Variants in DNMT3B observed in about 807,000 individuals in gnomAD.
DNMT3B encodes the protein DNA methyltransferase 3 beta.
DNMT3B carries 37 observed loss-of-function variants against 120.2 expected under a neutral mutation model. That is an observed-to-expected ratio of 0.31 (90% CI 0.24 to 0.40). The LOEUF is 0.40. Ranked by LOEUF, DNMT3B falls within the 10% of genes least tolerant of loss-of-function variation. The pLI, the probability that DNMT3B is intolerant of heterozygous loss-of-function variation, is 1.00. For missense variants in DNMT3B, 878 were observed against 1,137.3 expected, an observed-to-expected ratio of 0.77 and a Z score of 3.28; for synonymous variants, 412 against 442.8, an observed-to-expected ratio of 0.93 and a Z score of 0.87.
Position 32,784,792 on chromosome 20 carries a change from A to C in DNMT3B, c.239A>C (p.Asp80Ala). Residue 80 changes from aspartate (D) to alanine (A), a missense_variant, in exon 4 of 23, where the codon GAT becomes GCT. Around this residue, in one of 4 missense-constraint regions of DNMT3B, gnomAD observed 287 missense variants for 306.2 expected, o/e 0.94. Transcript: ENST00000328111. ...GGCGATGGCGACGGGGAAGATGGGG[A>C]TGGCTCTGACACCCCAGTCATGCCA... ...LTGDGDGEDG[D>A]GSDTPVMPKL... is the part of the protein sequence containing the mutation. 1.2e-6 allele frequency: 2 copies of C among 1,614,062 alleles called. No homozygotes were observed. Among genetic ancestry groups the C allele is most frequent in the Non-Finnish European group, 1.7e-6 (2 of 1,180,016 alleles).
chr20:32,792,850 C>A, intron 9 of DNMT3B, 80 bp downstream of exon 9: 1 of 1,580,766 alleles, frequency 6.3e-7, no homozygotes, highest in Non-Finnish European at 8.6e-7. Flanking sequence ...ACCCCTGCTG[C>A]CCCACACCCC....
chr20:32,793,626 TG>T, intron 10 of DNMT3B, 31 bp downstream of exon 10: 2 of 1,608,852 alleles, frequency 1.2e-6, no homozygotes, highest in Non-Finnish European at 1.7e-6. Flanking sequence ...GACTGTGCCC[TG>T]TTTTCTATGC....
At position 32,787,237 on chromosome 20, in the gene DNMT3B, GACGGCGGGCA is replaced by G; in HGVS notation, c.443_452del (p.Arg148GlnfsTer41). On this transcript the variant is annotated frameshift_variant, in exon 6 of 23. Transcript: ENST00000328111. LOFTEE classifies it high-confidence loss of function. ...GTGTCCTTCTGTCCACAGTCCCTGA[GACGGCGGGCA>G]ACAGCATCGGCAGGAACGCCATGGC... 1 of 1,614,262 alleles carries G rather than the reference GACGGCGGGCA, an allele frequency of 6.2e-7. No homozygotes were observed. The highest frequency in any genetic ancestry group is 8.5e-7 in the Non-Finnish European group (1 of 1,180,060).
At chr20:32,807,251 C>T (rs1364178113) in intron 22 of DNMT3B, among the ~76,000 whole-genome samples, 1 of 152,150 alleles carries the variant, frequency 6.6e-6, no homozygotes, top group Non-Finnish European at 1.5e-5. Flanking sequence ...CTTTCCAGGC[C>T]TGGTAGAATC....
intron 1 of DNMT3B, 32 bp from the exon 2 acceptor site, chr20:32,780,286 T>A: frequency 6.2e-7 from 1 of 1,613,648 alleles, no homozygotes; most frequent in Non-Finnish European, 8.5e-7. Context: ...CCTGCTTCCC[T>A]TTCACCCCAC....
chr20:32,774,498 C>T lies in DNMT3B; in HGVS notation c.-6-5820C>T, dbSNP rs545458821. 1.5e-3 allele frequency among the ~76,000 whole-genome samples: 217 copies of T among 145,928 alleles called. 1 individual carries two copies. The highest frequency in any genetic ancestry group is 5.3e-3 in the African/African-American group (210 of 39,500). On this transcript the variant is annotated intron_variant, in intron 1 of 22. Coordinates refer to ENST00000328111, the MANE Select transcript of DNMT3B (RefSeq NM_006892.4). ...TGCTGGGATTACAGACCTGAGCCAC[C>T]GCGCCTGGCCTTTTTTTTTTTTTTT...
At chr20:32,771,627 C>A (rs1488711461) in intron 1 of DNMT3B, among the ~76,000 whole-genome samples, 5 of 119,506 alleles carry the variant, frequency 4.2e-5, no homozygotes, top group Non-Finnish European at 6.4e-5. Context: ...CAGAGCAAGA[C>A]CGCATCTCAA....
chr20:32,802,460 G>T lies in DNMT3B; in HGVS notation c.2221G>T (p.Gly741Trp). The T allele has an allele frequency of 6.2e-7, 1 of 1,614,170 alleles. No homozygotes were observed. Among genetic ancestry groups the T allele is most frequent in the Non-Finnish European group, 8.5e-7 (1 of 1,180,042 alleles). ...RARYFWGNLP[G>W]MNRPVIASKN... ...CCGATACTTCTGGGGCAACCTACCC[G>T]GGATGAACAGGTAACAAAGGGCTCT... The change falls in exon 20 of 23, where the codon GGG becomes TGG. Residue 741 changes from glycine (G) to tryptophan (W), a missense_variant. By Grantham distance (184) the Gly-to-Trp change is radical (BLOSUM62 -2). Transcript: ENST00000328111.
In DNMT3B at chr20:32,807,915, C is replaced by T; in HGVS notation, c.*12C>T. ...TTGCATGTGAATAGTTCCAGCCAGGCCCCAAGCCCACTGGGGTGTGTGGCA... is the reference window on the plus strand; with the variant it reads ...TTGCATGTGAATAGTTCCAGCCAGGTCCCAAGCCCACTGGGGTGTGTGGCA... On this transcript the variant is annotated 3_prime_UTR_variant, in exon 23 of 23. Coordinates refer to ENST00000328111, the MANE Select transcript of DNMT3B (RefSeq NM_006892.4). The T allele has an allele frequency of 6.2e-7, 1 of 1,614,128 alleles. No homozygotes were observed.
chr20:32,766,392 TA>T (rs990704692), intron 1 of DNMT3B, among the ~76,000 whole-genome samples: 1 of 151,846 alleles, frequency 6.6e-6, no homozygotes, highest in African/African-American at 2.4e-5. Flanking sequence ...TTTTTTTTTA[TA>T]AGGACAAGGT....
At chr20:32,770,800 C>T (rs190668876) in intron 1 of DNMT3B, among the ~76,000 whole-genome samples, 31 of 151,170 alleles carry the variant, frequency 2.1e-4, no homozygotes, top group African/African-American at 6.6e-4. Context: ...TTAGTGGAAA[C>T]GGGGTTTCTC....
At chr20:32,785,033 T>A (rs1436142501) in intron 4 of DNMT3B, among the ~76,000 whole-genome samples, 174 bp downstream of exon 4, 1 of 96,152 alleles carries the variant, frequency 1.0e-5, no homozygotes, top group African/African-American at 9.2e-5. Context: ...TGGAGGGTTT[T>A]CTTTTTTCTT....
Position 32,780,383 on chromosome 20 carries a change from G to T in DNMT3B, c.60G>T (p.Ser20=), listed in dbSNP as rs530552033. 20 of 1,613,878 alleles carry T rather than the reference G, an allele frequency of 1.2e-5. No individual in the cohort carries two copies. The South Asian group carries it at 2.1e-4, about 17-fold the overall frequency. ...GEEDAGGRED[S]ILVNGACSDQ... Reference sequence around the variant, plus strand: ...AGGACGCCGGCGGGAGGGAAGACTCGATCCTCGTCAACGGGGCCTGCAGCG... The same window carrying T: ...AGGACGCCGGCGGGAGGGAAGACTCTATCCTCGTCAACGGGGCCTGCAGCG... Residue 20 remains serine, a synonymous_variant, in exon 2 of 23, where the codon TCG becomes TCT. Coordinates refer to ENST00000328111, the MANE Select transcript of DNMT3B (RefSeq NM_006892.4).
At chr20:32,801,203 C>T (rs2065576) in intron 18 of DNMT3B, 75 bp from the exon 19 acceptor site, 807,583 of 1,606,136 alleles carry the variant, frequency 0.5, 217,240 homozygotes, top group East Asian at 1. Context: ...TGGGAACCTG[C>T]TGGTCTCAGG....
At chr20:32,798,813 C>T (rs551358118) in intron 15 of DNMT3B, among the ~76,000 whole-genome samples, 170 bp downstream of exon 15, 1 of 152,328 alleles carries the variant, frequency 6.6e-6, no homozygotes, top group Admixed American at 6.5e-5. Flanking sequence ...GGTTTTCAGC[C>T]GTGCCAGGGT....
intron 1 of DNMT3B, among the ~76,000 whole-genome samples, chr20:32,767,404 A>G (rs1447978788): frequency 3.3e-5 from 5 of 150,206 alleles, no homozygotes; most frequent in African/African-American, 1.2e-4. Flanking sequence ...CACTTGTCCC[A>G]GTCTGTAAGC....
chr20:32,767,245 C>T (rs895292722), intron 1 of DNMT3B, among the ~76,000 whole-genome samples: 2 of 152,012 alleles, frequency 1.3e-5, no homozygotes, highest in Non-Finnish European at 1.5e-5. Context: ...GGTACAACAT[C>T]ATTTATCTGC....
intron 6 of DNMT3B, among the ~76,000 whole-genome samples, chr20:32,787,947 G>T (rs934909481): frequency 6.6e-6 from 1 of 151,956 alleles, no homozygotes; most frequent in African/African-American, 2.4e-5. Flanking sequence ...GGGTCTCAAG[G>T]TGCTCAGTGG....
At chr20:32,788,823 C>T (rs1283345098) in intron 6 of DNMT3B, 31 bp from the exon 7 acceptor site, 1 of 1,614,064 alleles carries the variant, frequency 6.2e-7, no homozygotes, top group Non-Finnish European at 8.5e-7. Flanking sequence ...CCTCTCCTCA[C>T]TGGGATTTCT....
Sources: allele counts gnomAD v4.1 joint callset (sites outside exome capture counted in the v4.1 genomes callset), GRCh38; gene constraint gnomAD v4.1.1; regional missense constraint gnomAD v4.1.1; transcripts MANE v1.5; gene names NCBI Gene and HGNC (gene_info 2026-07-23, HGNC 2026-07-21).